The following CLVS1 variants were observed in gnomAD, a reference collection of about 807,000 sequenced individuals.
The protein encoded by CLVS1 is clavesin-1.
Under a neutral mutation model 33.1 loss-of-function variants are expected in CLVS1, and 10 were observed. The ratio of observed to expected loss-of-function variants is 0.30; its 90% CI spans 0.19 to 0.51. The LOEUF (loss-of-function observed/expected upper bound fraction) is 0.51, where lower values mean the gene tolerates loss of function less well. Ranked by LOEUF, CLVS1 falls within the 20% of genes least tolerant of loss-of-function variation. The pLI is 0.97. For synonymous variants in CLVS1, 163 were observed against 166.1 expected (o/e 0.98, Z 0.14); for missense variants, 343 against 433.4 (o/e 0.79, Z 1.85).
intron 5 of CLVS1, among the ~76,000 whole-genome samples, chr8:61,484,432 T>G (rs553090620): frequency 6.6e-6 from 1 of 152,120 alleles, no homozygotes; most frequent in East Asian, 1.9e-4. Context: ...CACTGCTCAA[T>G]GAAATAAAAG....
chr8:61,100,126 A>G (rs920202441), intron 1 of CLVS1, among the ~76,000 whole-genome samples: 1 of 152,166 alleles, frequency 6.6e-6, no homozygotes, highest in Non-Finnish European at 1.5e-5. Flanking sequence ...CCATGACCAA[A>G]GGCTCCTTTC....
At chr8:61,425,745 C>T (rs1400542267) in intron 3 of CLVS1, among the ~76,000 whole-genome samples, 1 of 152,202 alleles carries the variant, frequency 6.6e-6, no homozygotes, top group Non-Finnish European at 1.5e-5. Context: ...CTATGCCACT[C>T]ACTTACTCAT....
At chr8:61,082,205 A>G (rs916223820) in intron 1 of CLVS1, among the ~76,000 whole-genome samples, 2 of 152,224 alleles carry the variant, frequency 1.3e-5, no homozygotes, top group African/African-American at 4.8e-5. Context: ...TGGCCAAGGA[A>G]AAAAGTCAGT....
chr8:60,979,038 A>G, the CLVS1 span, among the ~76,000 whole-genome samples: 1 of 152,166 alleles, frequency 6.6e-6, no homozygotes, highest in Non-Finnish European at 1.5e-5. Context: ...GCTGTGAGGT[A>G]GCACATTGAG....
intron 5 of CLVS1, among the ~76,000 whole-genome samples, chr8:61,475,552 AT>A (rs1817892730): frequency 6.6e-6 from 1 of 152,310 alleles, no homozygotes; most frequent in African/African-American, 2.4e-5. Context: ...GTCAGTGATG[AT>A]GAGCATTTTT....
intron 2 of CLVS1, among the ~76,000 whole-genome samples, chr8:61,173,417 G>A (rs1243046482): frequency 6.6e-6 from 1 of 152,108 alleles, no homozygotes; most frequent in Non-Finnish European, 1.5e-5. Context: ...TGTTTCTCTA[G>A]TTTCTTGAGG....
intron 2 of CLVS1, among the ~76,000 whole-genome samples, chr8:61,275,117 C>A (rs138390898): frequency 7.9e-5 from 12 of 152,236 alleles, no homozygotes; most frequent in Admixed American, 2.0e-4. Context: ...AAAATATTAT[C>A]GAACCCAGAG....
chr8:60,968,622 T>G, the CLVS1 span, among the ~76,000 whole-genome samples: 1 of 152,018 alleles, frequency 6.6e-6, no homozygotes, highest in African/African-American at 2.4e-5. Context: ...GGTATGGTGG[T>G]GCACACCTAT....
the CLVS1 span, among the ~76,000 whole-genome samples, chr8:61,040,679 T>C: frequency 6.6e-6 from 1 of 152,162 alleles, no homozygotes; most frequent in African/African-American, 2.4e-5. Flanking sequence ...TACTTTTCAG[T>C]GGGGTTATCT....
intron 2 of CLVS1, among the ~76,000 whole-genome samples, chr8:61,232,040 T>TGTTTG (rs1443929436): frequency 2.2e-5 from 3 of 136,364 alleles, no homozygotes; most frequent in African/African-American, 3.1e-5. Context: ...TTTTTTTTTT[T>TGTTTG]TTTTTTTTTT....
rs867676093 is a variant in CLVS1, at chr8:61,299,841, C to T, written c.14C>T (p.Ser5Phe). ...ACCATCAGGTGAATGGGACCAGTCT[C>T]TCTTCTTCCAAAATATCAGAAGTTA... The part of the protein sequence containing the change: MGPV[S>F]LLPKYQKLNT... The change falls in exon 2 of 6, where the codon TCT becomes TTT. Residue 5 changes from serine (S) to phenylalanine (F), a missense_variant. Transcript: ENST00000325897. 2 of 1,610,562 alleles carry T rather than the reference C, an allele frequency of 1.2e-6. No individual in the cohort carries two copies. Among genetic ancestry groups the T allele is most frequent in the African/African-American group, 2.7e-5 (2 of 74,898 alleles).
At chr8:61,181,713 T>TTTTG (rs1807237842) in intron 2 of CLVS1, among the ~76,000 whole-genome samples, 1 of 146,838 alleles carries the variant, frequency 6.8e-6, no homozygotes, top group African/African-American at 2.5e-5. Context: ...TTTTTTTTTT[T>TTTTG]TTTTGAGATG....
intron 2 of CLVS1, among the ~76,000 whole-genome samples, chr8:61,207,202 C>T (rs950769369): frequency 2.0e-5 from 3 of 152,228 alleles, no homozygotes; most frequent in Non-Finnish European, 4.4e-5. Context: ...AATCTGAAGA[C>T]TCAACAGTGA....
chr8:61,253,086 T>G (rs895727459), intron 2 of CLVS1, among the ~76,000 whole-genome samples: 8 of 152,338 alleles, frequency 5.3e-5, no homozygotes, highest in Non-Finnish European at 1.2e-4. Context: ...GTTTAGTGCT[T>G]CCTTCAGGAG....
intron 1 of CLVS1, among the ~76,000 whole-genome samples, chr8:61,062,664 G>A (rs894820065): frequency 1.3e-5 from 2 of 152,168 alleles, no homozygotes; most frequent in Admixed American, 1.3e-4. Flanking sequence ...TAGAGTTTAC[G>A]GCAGAAACTT....
chr8:61,228,967 G>A (rs1808381735), intron 2 of CLVS1, among the ~76,000 whole-genome samples: 1 of 152,166 alleles, frequency 6.6e-6, no homozygotes, highest in South Asian at 2.1e-4. Flanking sequence ...GAACCACCAT[G>A]CTGTTTTCCA....
the CLVS1 span, among the ~76,000 whole-genome samples, chr8:60,990,399 T>C: frequency 2.0e-5 from 3 of 152,248 alleles, no homozygotes; most frequent in African/African-American, 7.2e-5. Flanking sequence ...GGTGCTCGTT[T>C]GGGTATTTAC....
chr8:61,448,714 A>ATC (rs1366107008), intron 3 of CLVS1, among the ~76,000 whole-genome samples: 5 of 148,224 alleles, frequency 3.4e-5, no homozygotes, highest in African/African-American at 5.2e-5. Context: ...TCTCTCTCAA[A>ATC]AAAAAAAAAA....
At chr8:61,497,430 C>T (rs894499808) in intron 5 of CLVS1, among the ~76,000 whole-genome samples, 1 of 106,016 alleles carries the variant, frequency 9.4e-6, no homozygotes, top group Admixed American at 1.2e-4. Flanking sequence ...GCCCTGGTGT[C>T]CAGGTTTTTA....
Sources: gnomAD v4.1 joint callset for allele counts (sites outside exome capture counted in the v4.1 genomes callset) on GRCh38, gnomAD v4.1.1 for gene constraint, MANE v1.5 for transcripts, NCBI Gene and HGNC (gene_info 2026-07-23, HGNC 2026-07-21) for gene names.